Variants in FAM107B observed in about 807,000 individuals in gnomAD.
FAM107B encodes family with sequence similarity 107 member B.
In FAM107B, 21 loss-of-function variants were observed where a neutral mutation model predicts 31.5. The observed-to-expected ratio is 0.67, with a 90% confidence interval of 0.47 to 0.96. FAM107B has a LOEUF of 0.96. Ranked by LOEUF, FAM107B falls within the 40% of genes least tolerant of loss-of-function variation. The pLI is 0.00. For missense variants in FAM107B, 452 were observed against 377.1 expected, an observed-to-expected ratio of 1.20 and a Z score of -1.64; for synonymous variants, 157 against 141.5, an observed-to-expected ratio of 1.11 and a Z score of -0.78.
intron 2 of FAM107B, among the ~76,000 whole-genome samples, chr10:14,565,604 A>G (rs763621763): frequency 2.0e-5 from 3 of 152,230 alleles, no homozygotes; most frequent in Non-Finnish European, 4.4e-5. Context: ...TAAAGGATGC[A>G]CTGACATAGG....
intron 2 of FAM107B, among the ~76,000 whole-genome samples, chr10:14,603,773 GC>G (rs1852483221): frequency 6.6e-6 from 1 of 152,082 alleles, no homozygotes; most frequent in South Asian, 2.1e-4. Flanking sequence ...TCGGCGCGGG[GC>G]AAACCTCCCC....
intron 2 of FAM107B, among the ~76,000 whole-genome samples, chr10:14,532,432 T>G (rs1006982982): frequency 3.3e-5 from 5 of 152,222 alleles, no homozygotes; most frequent in Non-Finnish European, 7.3e-5. Context: ...AACATTTGTT[T>G]AAATATCTTA....
intron 2 of FAM107B, among the ~76,000 whole-genome samples, chr10:14,623,447 T>C (rs1406495434): frequency 6.6e-6 from 1 of 152,034 alleles, no homozygotes; most frequent in African/African-American, 2.4e-5. Flanking sequence ...CAAAGGAGAG[T>C]GACCAACACA....
chr10:14,741,486 G>C (rs745980898), intron 1 of FAM107B, among the ~76,000 whole-genome samples: 6 of 152,146 alleles, frequency 3.9e-5, no homozygotes, highest in Non-Finnish European at 7.3e-5. Context: ...GCAGCACTGA[G>C]TGGAGAAAAG....
chr10:14,656,508 A>G (rs1368049520), intron 2 of FAM107B, among the ~76,000 whole-genome samples: 1 of 152,232 alleles, frequency 6.6e-6, no homozygotes, highest in Non-Finnish European at 1.5e-5. Flanking sequence ...CCAAGGAGAC[A>G]AGTGACTGGA....
At chr10:14,640,727 T>C (rs1324960950) in intron 2 of FAM107B, among the ~76,000 whole-genome samples, 1 of 152,162 alleles carries the variant, frequency 6.6e-6, no homozygotes, top group Admixed American at 6.5e-5. Flanking sequence ...CTTAATTTAA[T>C]GATAAGGAAA....
chr10:14,599,469 C>T (rs915509815), intron 2 of FAM107B, among the ~76,000 whole-genome samples: 3 of 152,132 alleles, frequency 2.0e-5, no homozygotes, highest in Non-Finnish European at 4.4e-5. Flanking sequence ...CACTACAGAC[C>T]ACAGGGCCTG....
intron 2 of FAM107B, among the ~76,000 whole-genome samples, chr10:14,619,164 C>T (rs1047439478): frequency 2.6e-5 from 4 of 152,142 alleles, no homozygotes; most frequent in Admixed American, 6.5e-5. Flanking sequence ...ACCAGAAGTG[C>T]GAGAAATAAA....
intron 4 of FAM107B, 70 bp from the exon 5 acceptor site, chr10:14,521,376 T>C: frequency 6.2e-6 from 8 of 1,293,686 alleles, no homozygotes; most frequent in Non-Finnish European, 8.8e-6. Flanking sequence ...CTTCTCTCTT[T>C]TCAAAGTCCC....
intron 2 of FAM107B, among the ~76,000 whole-genome samples, chr10:14,617,582 GCTAT>G (rs1033978881): frequency 2.6e-5 from 4 of 152,178 alleles, no homozygotes; most frequent in African/African-American, 9.7e-5. Context: ...CACGTAAGTG[GCTAT>G]CTGTGTTTGA....
In FAM107B at chr10:14,755,938, T is replaced by C. The variant is rs1832921710; in HGVS notation, c.411+18315A>G. Among the ~76,000 whole-genome samples, 3 of 152,332 alleles carry C rather than the reference T, an allele frequency of 2.0e-5. 1 individual carries two copies. The Middle Eastern group carries it at 0.01, about 518-fold the overall frequency. ...TGGTGGGGGACTAAAGCTCAGGCTT[T>C]TCTGACTCCAAAACCCAATAAATAT... On this transcript the variant is annotated intron_variant, in intron 1 of 4. Transcript: ENST00000181796.
intron 1 of FAM107B, among the ~76,000 whole-genome samples, chr10:14,727,583 C>A (rs1856066618): frequency 6.6e-6 from 1 of 152,180 alleles, no homozygotes; most frequent in African/African-American, 2.4e-5. Flanking sequence ...GTATAAATAC[C>A]CCAGCTCCCT....
chr10:14,541,441 G>A (rs1016549580), intron 2 of FAM107B, among the ~76,000 whole-genome samples: 12 of 152,106 alleles, frequency 7.9e-5, no homozygotes, highest in African/African-American at 1.2e-4. Flanking sequence ...GCCCGTGCAC[G>A]TTCCCATCTC....
intron 2 of FAM107B, among the ~76,000 whole-genome samples, chr10:14,603,002 C>CAT (rs909852996): frequency 1.8e-5 from 2 of 113,372 alleles, no homozygotes; most frequent in African/African-American, 8.2e-5. Flanking sequence ...CTCTTTCCCA[C>CAT]ACACACACAC....
At chr10:14,771,873 G>A (rs999455816) in intron 1 of FAM107B, among the ~76,000 whole-genome samples, 10 of 152,104 alleles carry the variant, frequency 6.6e-5, no homozygotes, top group Admixed American at 6.5e-4. Context: ...ATGAATAGTT[G>A]ATCCTAAATC....
At chr10:14,596,434 G>A (rs950609628) in intron 2 of FAM107B, among the ~76,000 whole-genome samples, 8 of 152,174 alleles carry the variant, frequency 5.3e-5, no homozygotes, top group African/African-American at 1.7e-4. Flanking sequence ...AGCCTGGAAC[G>A]ATGACTGGCA....
intron 2 of FAM107B, chr10:14,554,182 C>G (rs1484218889): frequency 1.0e-6 from 1 of 984,880 alleles, no homozygotes; most frequent in South Asian, 4.7e-5. Flanking sequence ...TCTCCTTTTC[C>G]TCTACCCTCC....
chr10:14,613,227 C>T (rs1455517102), intron 2 of FAM107B, among the ~76,000 whole-genome samples: 3 of 152,122 alleles, frequency 2.0e-5, no homozygotes, highest in African/African-American at 4.8e-5. Context: ...CTGCCTTGGC[C>T]TCCCAAAGTG....
chr10:14,582,808 G>A (rs575300834), intron 2 of FAM107B, among the ~76,000 whole-genome samples: 52 of 152,206 alleles, frequency 3.4e-4, no homozygotes, highest in African/African-American at 1.0e-3. Context: ...GAAACTCGCC[G>A]GGCATGGTGG....
Sources: gnomAD v4.1 joint callset for allele counts (sites outside exome capture counted in the v4.1 genomes callset) on GRCh38, gnomAD v4.1.1 for gene constraint, MANE v1.5 for transcripts, NCBI Gene and HGNC (gene_info 2026-07-23, HGNC 2026-07-21) for gene names.